SCIN: variants seen among roughly 807,000 people sequenced by gnomAD.
SCIN encodes adseverin.
A neutral mutation model predicts 91.8 loss-of-function variants in SCIN; 91 were observed. That is an observed-to-expected ratio of 0.99 (90% CI 0.84 to 1.18). The LOEUF (loss-of-function observed/expected upper bound fraction) is 1.18. Ranked by LOEUF, SCIN falls within the 50% of genes most tolerant of loss-of-function variation. The probability of loss-of-function intolerance (pLI) is 0.00; values close to 1 mark genes in which losing one functional copy is unlikely to be tolerated. For missense variants in SCIN, 1,087 were observed against 863.9 expected, an observed-to-expected ratio of 1.26 and a Z score of -3.24; for synonymous variants, 367 against 312.6, an observed-to-expected ratio of 1.17 and a Z score of -1.84.
chr7:12,610,465 G>A (rs1028734108), intron 4 of SCIN, among the ~76,000 whole-genome samples: 2 of 152,194 alleles, frequency 1.3e-5, no homozygotes, highest in Non-Finnish European at 2.9e-5. Flanking sequence ...CTTGAGGGCA[G>A]GCACTGCCTT....
At chr7:12,642,317 G>A (rs569472891) in intron 11 of SCIN, among the ~76,000 whole-genome samples, 1 of 151,764 alleles carries the variant, frequency 6.6e-6, no homozygotes, top group Admixed American at 6.6e-5. Context: ...CATCATGATT[G>A]CAGGCAGTAA....
At position 12,581,104 on chromosome 7, in the gene SCIN, C is replaced by T; in HGVS notation, c.399C>T (p.Asp133=). 6.4e-7 allele frequency: 1 copy of T among 1,551,390 alleles called. No individual in the cohort carries two copies. The highest frequency in any genetic ancestry group is 8.7e-7 in the Non-Finnish European group (1 of 1,146,804). Residue 133 remains aspartate (D), a synonymous_variant, in exon 3 of 16, where the codon GAC becomes GAT. Transcript: ENST00000297029. ...GATTAAATCATGTTCTTACGAACGA[C>T]CTGACAGCCAAGAGGCTCCTACATG... The part of the protein sequence containing the change: ...ASGLNHVLTN[D]LTAKRLLHVK...
At chr7:12,571,247 T>A in intron 1 of SCIN, 1 of 511,108 alleles carries the variant, frequency 2.0e-6, no homozygotes, top group East Asian at 3.3e-5. Context: ...TCCTGGACTT[T>A]GGAGCTGGTG....
chr7:12,605,291 C>T lies in SCIN; in HGVS notation c.666+628C>T, dbSNP rs200643627. 5.8e-4 allele frequency among the ~76,000 whole-genome samples: 89 copies of T among 152,218 alleles called. 2 individuals carry two copies. Among genetic ancestry groups the T allele is most frequent in the East Asian group, 4.9e-3 (25 of 5,152 alleles). On this transcript the variant is annotated intron_variant, in intron 4 of 15. Transcript: ENST00000297029. ...GTCCTGATCCCCTGACCTTGTGATC[C>T]GCCCGCCTTGGCCTCCCAAAGTGCT... is the stretch of plus-strand genomic sequence containing the variant.
chr7:12,578,152 T>TAG lies in SCIN; in HGVS notation c.292_293dup (p.Leu99AsnfsTer18). On this transcript the variant is annotated frameshift_variant, in exon 2 of 16. Transcript: ENST00000297029. LOFTEE classifies it high-confidence loss of function. ...ATTTGGGTGGCAAGCCAGTGCAGAA[T>TAG]AGAGAACTTCAAGGATATGAGTCTA... The TAG allele has an allele frequency of 6.4e-7, 1 of 1,551,478 alleles. No individual in the cohort carries two copies. Among genetic ancestry groups the TAG allele is most frequent in the Non-Finnish European group, 8.7e-7 (1 of 1,146,774 alleles).
intron 11 of SCIN, among the ~76,000 whole-genome samples, chr7:12,643,358 G>A (rs1393769713): frequency 3.3e-5 from 5 of 151,992 alleles, no homozygotes; most frequent in Admixed American, 1.3e-4. Context: ...TCCATCATCC[G>A]GGCTCTTTCC....
At chr7:12,593,998 G>A (rs951214927) in intron 3 of SCIN, among the ~76,000 whole-genome samples, 17 of 152,270 alleles carry the variant, frequency 1.1e-4, no homozygotes, top group Admixed American at 5.2e-4. Flanking sequence ...AGAAGGACCC[G>A]AGACGTTCTT....
chr7:12,593,148 G>C (rs1417329721), intron 3 of SCIN, among the ~76,000 whole-genome samples: 2 of 152,198 alleles, frequency 1.3e-5, no homozygotes, highest in African/African-American at 2.4e-5. Flanking sequence ...GTGGGGACAT[G>C]GCCCCGTCCA....
chr7:12,586,307 T>A (rs1782585545), intron 3 of SCIN, among the ~76,000 whole-genome samples: 1 of 152,190 alleles, frequency 6.6e-6, no homozygotes, highest in African/African-American at 2.4e-5. Context: ...GAATTTTGAA[T>A]GGCCAATAAG....
chr7:12,640,275 A>C, intron 10 of SCIN, 72 bp from the exon 11 acceptor site: 2 of 1,294,550 alleles, frequency 1.5e-6, no homozygotes, highest in Admixed American at 3.1e-5. Context: ...ACATAAGAAC[A>C]CATTTGGAAC....
At chr7:12,623,813 T>C (rs142655000) in intron 5 of SCIN, among the ~76,000 whole-genome samples, 97 of 152,308 alleles carry the variant, frequency 6.4e-4, no homozygotes, top group Non-Finnish European at 1.2e-3. Flanking sequence ...TCATAATGAA[T>C]AAGTGGATTT....
intron 4 of SCIN, among the ~76,000 whole-genome samples, chr7:12,614,340 C>A (rs1387580037): frequency 6.6e-6 from 1 of 152,150 alleles, no homozygotes; most frequent in African/African-American, 2.4e-5. Context: ...TTAATTGCTG[C>A]AAAAGAGCTA....
intron 11 of SCIN, among the ~76,000 whole-genome samples, chr7:12,641,206 A>T (rs999397908): frequency 1.3e-5 from 2 of 152,082 alleles, no homozygotes; most frequent in Admixed American, 1.3e-4. Flanking sequence ...CCTCCATACA[A>T]GTCAATCAGC....
intron 4 of SCIN, among the ~76,000 whole-genome samples, chr7:12,616,407 C>A (rs1310346354): frequency 6.6e-6 from 1 of 152,122 alleles, no homozygotes; most frequent in African/African-American, 2.4e-5. Context: ...TCCATGTTCT[C>A]TTGCCTTTCT....
chr7:12,644,099 T>A, intron 11 of SCIN, 39 bp from the exon 12 acceptor site: 3 of 1,556,124 alleles, frequency 1.9e-6, no homozygotes, highest in Non-Finnish European at 2.6e-6. Context: ...GGAGCAGCAA[T>A]GAATTTGAAT....
chr7:12,639,891 T>C (rs1343868938), intron 10 of SCIN, among the ~76,000 whole-genome samples: 1 of 152,210 alleles, frequency 6.6e-6, no homozygotes, highest in Non-Finnish European at 1.5e-5. Context: ...GTGAAGCATT[T>C]GAATGCACAT....
chr7:12,599,244 A>C (rs912138427), intron 3 of SCIN, among the ~76,000 whole-genome samples: 2 of 152,244 alleles, frequency 1.3e-5, no homozygotes, highest in Non-Finnish European at 1.5e-5. Flanking sequence ...CTTTCACTTT[A>C]ATGTAAAATA....
At chr7:12,630,536 AACC>A (rs112558896) in intron 9 of SCIN, among the ~76,000 whole-genome samples, 48 of 152,334 alleles carry the variant, frequency 3.2e-4, no homozygotes, top group African/African-American at 1.1e-3. Flanking sequence ...CATCGGTGTG[AACC>A]ACCACCGCAC....
chr7:12,631,242 G>A (rs1358391401), intron 9 of SCIN, among the ~76,000 whole-genome samples: 3 of 152,186 alleles, frequency 2.0e-5, no homozygotes. Context: ...GCCAAGCATT[G>A]TACTAATTTC....
Sources: allele counts gnomAD v4.1 joint callset (sites outside exome capture counted in the v4.1 genomes callset), GRCh38; gene constraint gnomAD v4.1.1; transcripts MANE v1.5; gene names NCBI Gene and HGNC (gene_info 2026-07-23, HGNC 2026-07-21).